Variants in GLDC observed in about 807,000 individuals in gnomAD.
GLDC encodes the protein glycine dehydrogenase (decarboxylating), mitochondrial.
In GLDC, 104 loss-of-function variants were observed where a neutral mutation model predicts 121.3. The observed-to-expected ratio is 0.86, with a 90% CI of 0.73 to 1.01. GLDC has a LOEUF of 1.01. GLDC is among the 50% of genes least tolerant of loss of function. The pLI is 0.00. For missense variants in GLDC, 1,429 were observed against 1,306.6 expected, an observed-to-expected ratio of 1.09 and a Z score of -1.44; for synonymous variants, 546 against 480.6, an observed-to-expected ratio of 1.14 and a Z score of -1.78.
chr9:6,554,931 C>A, intron 18 of GLDC, 150 bp from the exon 19 acceptor site: 1 of 707,252 alleles, frequency 1.4e-6, no homozygotes, highest in Non-Finnish European at 2.6e-6. Context: ...GTCCTCTATA[C>A]TGGCCCAGTT....
chr9:6,598,400 T>A (rs1041030279), intron 8 of GLDC, among the ~76,000 whole-genome samples: 4 of 151,968 alleles, frequency 2.6e-5, no homozygotes, highest in Non-Finnish European at 5.9e-5. Flanking sequence ...TATAGAAAAA[T>A]TTATTTAAAA....
intron 2 of GLDC, among the ~76,000 whole-genome samples, chr9:6,636,040 C>G (rs1455309217): frequency 2.0e-5 from 3 of 152,116 alleles, no homozygotes; most frequent in Non-Finnish European, 4.4e-5. Flanking sequence ...CGCAGTGGCT[C>G]ACCTATAATC....
At chr9:6,548,707 G>A (rs1817447725) in intron 21 of GLDC, among the ~76,000 whole-genome samples, 1 of 152,154 alleles carries the variant, frequency 6.6e-6, no homozygotes, top group African/African-American at 2.4e-5. Context: ...CCTGACGTCT[G>A]TCTCTCTGAT....
intron 21 of GLDC, among the ~76,000 whole-genome samples, chr9:6,549,374 G>A (rs1266437336): frequency 6.6e-6 from 1 of 152,064 alleles, no homozygotes; most frequent in Non-Finnish European, 1.5e-5. Context: ...TGGGCAAGAG[G>A]AGGGAGTGGA....
chr9:6,575,244 T>G (rs1818041791), intron 15 of GLDC, among the ~76,000 whole-genome samples: 1 of 149,570 alleles, frequency 6.7e-6, no homozygotes, highest in Non-Finnish European at 1.5e-5. Context: ...CCCAAAACTC[T>G]CCCATATGGG....
rs542431562 is a variant in GLDC, at chr9:6,638,310, G to A, written c.334+6304C>T. On this transcript the variant is annotated intron_variant, in intron 2 of 24. Coordinates refer to ENST00000321612, the MANE Select transcript of GLDC (RefSeq NM_000170.3). ...TGCAACCTCCACCTTCCGGGTTCAA[G>A]CGATTCTTCTGCCTCGGCCTCAGCG... Among the ~76,000 whole-genome samples the A allele has an allele frequency of 3.0e-3, 451 of 152,048 alleles. 3 individuals are homozygous for A. Among genetic ancestry groups the A allele is most frequent in the African/African-American group, 0.011 (436 of 41,466 alleles).
rs1206369229 is a variant in GLDC at position 6,605,282 on chromosome 9, G to C, written c.714-4C>G. The C allele has an allele frequency of 9.9e-6, 16 of 1,613,472 alleles. No homozygotes were observed. Among genetic ancestry groups the C allele is most frequent in the South Asian group, 4.4e-5 (4 of 91,064 alleles). ...CTCAGTGAGGACTCCAGTATATCTGGAAAGACAGACAACAAAGAACAATCG... is the reference window on the plus strand; with the variant it reads ...CTCAGTGAGGACTCCAGTATATCTGCAAAGACAGACAACAAAGAACAATCG... On this transcript the variant is annotated splice_region_variant and splice_polypyrimidine_tract_variant and intron_variant, in intron 5 of 24. Transcript: ENST00000321612.
intron 15 of GLDC, among the ~76,000 whole-genome samples, chr9:6,570,680 T>C (rs892541224): frequency 2.6e-5 from 4 of 151,962 alleles, no homozygotes; most frequent in African/African-American, 9.7e-5. Context: ...ATGGCGAAAC[T>C]TCGTCTCTAC....
intron 16 of GLDC, among the ~76,000 whole-genome samples, chr9:6,561,305 T>C (rs1817753650): frequency 6.6e-6 from 1 of 152,172 alleles, no homozygotes; most frequent in African/African-American, 2.4e-5. Flanking sequence ...CTATGAGGAT[T>C]TAGAGGACTT....
At chr9:6,536,341 C>T (rs1817130447) in intron 22 of GLDC, 105 bp from the exon 23 acceptor site, 2 of 1,014,142 alleles carry the variant, frequency 2.0e-6, no homozygotes, top group South Asian at 1.4e-5. Flanking sequence ...AGAAAATCAT[C>T]AGATACATTT....
At chr9:6,633,912 C>G (rs1819443221) in intron 2 of GLDC, among the ~76,000 whole-genome samples, 1 of 138,666 alleles carries the variant, frequency 7.2e-6, no homozygotes, top group Admixed American at 8.0e-5. Flanking sequence ...TCACTGCAAG[C>G]TGTGCCTCCC....
At chr9:6,620,148 A>G in intron 3 of GLDC, 36 bp downstream of exon 3, 1 of 1,602,740 alleles carries the variant, frequency 6.2e-7, no homozygotes, top group South Asian at 1.1e-5. Flanking sequence ...TATGCAAATC[A>G]CAGTCATCCT....
intron 18 of GLDC, among the ~76,000 whole-genome samples, chr9:6,555,135 A>AG (rs1437938701): frequency 6.6e-6 from 1 of 152,262 alleles, no homozygotes; most frequent in Non-Finnish European, 1.5e-5. Flanking sequence ...TTGTTGAAAT[A>AG]GGCAACTCTT....
At chr9:6,563,629 C>T (rs1250930458) in intron 16 of GLDC, among the ~76,000 whole-genome samples, 1 of 152,198 alleles carries the variant, frequency 6.6e-6, no homozygotes, top group Non-Finnish European at 1.5e-5. Context: ...TGCCGAGACT[C>T]TCAGGTCCCA....
intron 2 of GLDC, among the ~76,000 whole-genome samples, chr9:6,633,477 C>G (rs530619567): frequency 1.3e-5 from 2 of 152,264 alleles, no homozygotes; most frequent in South Asian, 4.1e-4. Flanking sequence ...TACCTCAAAC[C>G]CAATTCTGCT....
intron 5 of GLDC, 136 bp from the exon 6 acceptor site, chr9:6,605,414 TC>T: frequency 1.3e-6 from 1 of 794,740 alleles, no homozygotes; most frequent in South Asian, 1.5e-5. Context: ...CCACATCCCG[TC>T]CCACAGGCAC....
At chr9:6,597,156 T>G (rs1251825092) in intron 8 of GLDC, among the ~76,000 whole-genome samples, 1 of 152,182 alleles carries the variant, frequency 6.6e-6, no homozygotes, top group Non-Finnish European at 1.5e-5. Context: ...TATGAAATAT[T>G]CAGAACAGGC....
intron 2 of GLDC, among the ~76,000 whole-genome samples, chr9:6,631,641 GT>G (rs1819378891): frequency 6.6e-6 from 1 of 152,202 alleles, no homozygotes; most frequent in Non-Finnish European, 1.5e-5. Context: ...CAGAGGATTT[GT>G]TTTCCCTCTT....
rs140827380 is a variant in GLDC at position 6,598,673 on chromosome 9, C to A, written c.1155+3436G>T. ...AGTGAAACTGGAGTTATGAGTAATT[C>A]TTGTATGCAATCAACTATGAAAAGG... is the stretch of plus-strand genomic sequence containing the variant. On this transcript the variant is annotated intron_variant, in intron 8 of 24. Coordinates refer to ENST00000321612, the MANE Select transcript of GLDC (RefSeq NM_000170.3). Among the ~76,000 whole-genome samples the A allele has an allele frequency of 1.2e-4, 19 of 152,310 alleles. No individual in the cohort carries two copies. The East Asian group carries it at 3.3e-3, about 26-fold the overall frequency.
Sources: gnomAD v4.1 joint callset for allele counts (sites outside exome capture counted in the v4.1 genomes callset) on GRCh38, gnomAD v4.1.1 for gene constraint, MANE v1.5 for transcripts, NCBI Gene and HGNC (gene_info 2026-07-23, HGNC 2026-07-21) for gene names.